JMY: variants seen among roughly 807,000 people sequenced by gnomAD.
JMY encodes the protein junction mediating and regulatory protein, p53 cofactor, also known as junction-mediating and -regulatory protein.
In JMY, 46 loss-of-function variants were observed where a neutral mutation model predicts 103.3. That is an observed-to-expected ratio of 0.45 (90% CI 0.35 to 0.57). The LOEUF is 0.57. Among genes scored for constraint, JMY ranks in the 20% least tolerant of loss-of-function variants. The probability of loss-of-function intolerance (pLI) is 0.00; values close to 1 mark genes in which losing one functional copy is unlikely to be tolerated. For missense variants in JMY, 1,238 were observed against 1,255.2 expected (o/e 0.99, Z 0.21); for synonymous variants, 526 against 489.3 (o/e 1.07, Z -0.99).
At position 79,314,322 on chromosome 5, in the gene JMY, T is replaced by C. The variant is rs748169538; in HGVS notation, c.2130T>C (p.Gly710=). The C allele has an allele frequency of 3.1e-6, 5 of 1,614,152 alleles. No homozygotes were observed. The highest frequency in any genetic ancestry group is 4.2e-6 in the Non-Finnish European group (5 of 1,180,020). Residue 710 remains glycine, a synonymous_variant, in exon 9 of 11, where the codon GGT becomes GGC. Transcript: ENST00000396137. ...RLRLAHARRK[G]AASPVLQEDH... is the part of the protein sequence containing the mutation. ...GACTAGCTCATGCAAGAAGAAAAGG[T>C]GCAGCAAGTCCTGTTCTCCAAGAGG...
intron 1 of JMY, among the ~76,000 whole-genome samples, chr5:79,264,914 T>C (rs541937562): frequency 6.6e-6 from 1 of 152,250 alleles, no homozygotes; most frequent in African/African-American, 2.4e-5. Context: ...TATTTTATTT[T>C]ATTTATTTAT....
At position 79,314,271 on chromosome 5, in the gene JMY, A is replaced by C. The variant is rs1312297192; in HGVS notation, c.2079A>C (p.Gln693His). 6.2e-7 allele frequency: 1 copy of C among 1,610,850 alleles called. No homozygotes were observed. Among genetic ancestry groups the C allele is most frequent in the Non-Finnish European group, 8.5e-7 (1 of 1,178,570 alleles). ...LRTFKQRYPG[Q>H]VILKSTRLRL... is the part of the protein sequence containing the mutation. ...TGGTATTTTAGAGGTATCCTGGGCA[A>C]GTCATACTTAAATCAACCAGATTAC... The change falls in exon 9 of 11, where the codon CAA becomes CAC. Residue 693 changes from glutamine to histidine, a missense_variant. Transcript: ENST00000396137.
rs1001222103 is a variant in JMY at position 79,266,818 on chromosome 5, A to G, written c.1033-11092A>G. Among the ~76,000 whole-genome samples the G allele has an allele frequency of 3.3e-5, 5 of 152,356 alleles. 1 individual carries two copies. In the South Asian group the frequency reaches 1.0e-3, roughly 32 times the overall value. The stretch of plus-strand genomic sequence containing the variant: ...ACCAACCAAAAAACCGCCTGTTAAC[A>G]AAGTAGAAAGACAGACACAGCTTTG... On this transcript the variant is annotated intron_variant, in intron 1 of 10. Coordinates refer to ENST00000396137, the MANE Select transcript of JMY (RefSeq NM_152405.5).
In JMY at chr5:79,322,063, C is replaced by T. The variant is rs1747470995; in HGVS notation, c.*461C>T. On this transcript the variant is annotated 3_prime_UTR_variant, in exon 11 of 11. Coordinates refer to ENST00000396137, the MANE Select transcript of JMY (RefSeq NM_152405.5). Reference sequence around the variant, plus strand: ...TATCAGCTTATATTAAATACTGTGACACTCTGAGAAAGTTTATCATCATGA... The same window carrying T: ...TATCAGCTTATATTAAATACTGTGATACTCTGAGAAAGTTTATCATCATGA... 1 of 152,152 alleles carries T rather than the reference C, an allele frequency of 6.6e-6. No individual in the cohort carries two copies. The highest frequency in any genetic ancestry group is 1.5e-5 in the Non-Finnish European group (1 of 68,030). The allele number at this position is 152,152 out of a possible 1,614,324, so 9.4% of individuals were successfully genotyped here.
chr5:79,240,909 T>G (rs575240251), intron 1 of JMY, among the ~76,000 whole-genome samples: 1 of 152,344 alleles, frequency 6.6e-6, no homozygotes, highest in South Asian at 2.1e-4. Flanking sequence ...TTGACTTAGT[T>G]TGTGGAATTG....
intron 1 of JMY, among the ~76,000 whole-genome samples, chr5:79,243,990 CT>C (rs1318440640): frequency 6.7e-6 from 1 of 150,146 alleles, no homozygotes; most frequent in Non-Finnish European, 1.5e-5. Flanking sequence ...AGATTTCTTT[CT>C]TTTTTCTTTT....
At chr5:79,249,186 G>A (rs78581423) in intron 1 of JMY, among the ~76,000 whole-genome samples, 4 of 151,872 alleles carry the variant, frequency 2.6e-5, no homozygotes, top group African/African-American at 9.7e-5. Context: ...CTTCATTATT[G>A]TTATTTTGTG....
At chr5:79,246,324 G>A (rs1744900923) in intron 1 of JMY, among the ~76,000 whole-genome samples, 1 of 152,076 alleles carries the variant, frequency 6.6e-6, no homozygotes, top group East Asian at 1.9e-4. Flanking sequence ...TGTGTATAAG[G>A]ATGTATATAA....
intron 1 of JMY, among the ~76,000 whole-genome samples, chr5:79,251,854 A>G (rs1745093775): frequency 6.6e-6 from 1 of 152,024 alleles, no homozygotes; most frequent in South Asian, 2.1e-4. Flanking sequence ...AGCTCACTGG[A>G]ACCTCTGCCT....
At chr5:79,264,416 A>G (rs1411399731) in intron 1 of JMY, among the ~76,000 whole-genome samples, 2 of 148,956 alleles carry the variant, frequency 1.3e-5, no homozygotes, top group Admixed American at 6.7e-5. Flanking sequence ...TTTTGTAGAG[A>G]CATGGTCTCA....
intron 6 of JMY, 58 bp downstream of exon 6, chr5:79,300,921 A>G: frequency 7.4e-7 from 1 of 1,358,562 alleles, no homozygotes; most frequent in Admixed American, 2.5e-5. Flanking sequence ...TACTAATCTC[A>G]TCTGTTTTGT....
intron 1 of JMY, among the ~76,000 whole-genome samples, chr5:79,258,459 C>G (rs1745322126): frequency 6.6e-6 from 1 of 151,908 alleles, no homozygotes; most frequent in Non-Finnish European, 1.5e-5. Flanking sequence ...TGGGCTCATT[C>G]TACCCACTCA....
chr5:79,284,557 T>C, intron 2 of JMY: 1 of 1,539,710 alleles, frequency 6.5e-7, no homozygotes, highest in South Asian at 1.1e-5. Flanking sequence ...CAACGTGAGC[T>C]TCAATCATTG....
intron 1 of JMY, among the ~76,000 whole-genome samples, chr5:79,250,664 T>C (rs1393300172): frequency 6.7e-6 from 1 of 148,392 alleles, no homozygotes; most frequent in African/African-American, 2.5e-5. Flanking sequence ...TTTTTTTTTT[T>C]TTTTGGCATA....
chr5:79,306,450 A>G lies in JMY; in HGVS notation c.1957A>G (p.Thr653Ala). 2 of 1,609,874 alleles carry G rather than the reference A, an allele frequency of 1.2e-6. No individual in the cohort carries two copies. The highest frequency in any genetic ancestry group is 2.2e-5 in the South Asian group (2 of 90,688). Reference protein sequence around the residue: ...RIEDEYRTHHTVQLKREKLHD... With the variant: ...RIEDEYRTHHAVQLKREKLHD... ...TGAAGATGAATATAGAACCCATCAC[A>G]CAGTACAACTAGTAAGTTTGGATTC... Residue 653 changes from threonine to alanine, a missense_variant, in exon 7 of 11, where the codon ACA becomes GCA. Physicochemically the swap from Thr to Ala is moderately conservative, Grantham distance 58. Coordinates refer to ENST00000396137, the MANE Select transcript of JMY (RefSeq NM_152405.5).
chr5:79,279,161 C>T (rs1467089234), intron 2 of JMY, among the ~76,000 whole-genome samples: 1 of 151,932 alleles, frequency 6.6e-6, no homozygotes, highest in African/African-American at 2.4e-5. Context: ...TGGTGAAAAC[C>T]CATCTCTACT....
At chr5:79,275,804 A>G (rs1745921629) in intron 1 of JMY, among the ~76,000 whole-genome samples, 1 of 152,214 alleles carries the variant, frequency 6.6e-6, no homozygotes. Context: ...TTTTTTTGTT[A>G]TAAAAGCACT....
chr5:79,274,076 G>A (rs1004951410), intron 1 of JMY, among the ~76,000 whole-genome samples: 44 of 152,152 alleles, frequency 2.9e-4, no homozygotes, highest in East Asian at 1.2e-3. Context: ...TGATCTGCCC[G>A]CCTTGACCTC....
intron 2 of JMY, among the ~76,000 whole-genome samples, chr5:79,285,832 T>G (rs1746251800): frequency 6.6e-6 from 1 of 152,206 alleles, no homozygotes; most frequent in African/African-American, 2.4e-5. Flanking sequence ...TACCAAAGAA[T>G]CTAAGGTGGA....
Sources: gnomAD v4.1 joint callset for allele counts (sites outside exome capture counted in the v4.1 genomes callset) on GRCh38, gnomAD v4.1.1 for gene constraint, MANE v1.5 for transcripts, NCBI Gene and HGNC (gene_info 2026-07-23, HGNC 2026-07-21) for gene names.